Variants in RBFOX1 observed in about 807,000 individuals in gnomAD.
RBFOX1 encodes RNA binding protein fox-1 homolog 1.
In RBFOX1, 8 loss-of-function variants were observed where a neutral mutation model predicts 57.7. The observed-to-expected ratio is 0.14, with a 90% CI of 0.08 to 0.25. The LOEUF (loss-of-function observed/expected upper bound fraction) is 0.25, where lower values mean the gene tolerates loss of function less well. Among genes scored for constraint, RBFOX1 ranks in the 10% least tolerant of loss-of-function variants. The probability of loss-of-function intolerance (pLI) is 1.00; values close to 1 mark genes in which losing one functional copy is unlikely to be tolerated. For synonymous variants in RBFOX1, 326 were observed against 222.4 expected, an observed-to-expected ratio of 1.47 and a Z score of -4.15; for missense variants, 611 against 548.5, an observed-to-expected ratio of 1.11 and a Z score of -1.14.
intron 3 of RBFOX1, among the ~76,000 whole-genome samples, chr16:6,734,490 A>G (rs114456896): frequency 0.011 from 1,701 of 152,302 alleles, 42 homozygotes; most frequent in African/African-American, 0.039. Context: ...AGATGAGGAC[A>G]TGGGTCCAGG....
At chr16:6,887,507 A>G (rs117587821) in intron 3 of RBFOX1, among the ~76,000 whole-genome samples, 1,834 of 152,266 alleles carry the variant, frequency 0.012, 22 homozygotes, top group Non-Finnish European at 0.02. Context: ...ATCATTAATC[A>G]TGTATATTAG....
intron 5 of RBFOX1, among the ~76,000 whole-genome samples, chr16:7,560,299 T>C (rs78866558): frequency 0.01 from 1,584 of 152,306 alleles, 33 homozygotes; most frequent in African/African-American, 0.036. Flanking sequence ...GATCCTTGCA[T>C]TTTTAGACGT....
intron 1 of RBFOX1, among the ~76,000 whole-genome samples, chr16:6,031,142 T>A (rs1305231496): frequency 6.6e-6 from 1 of 151,796 alleles, no homozygotes; most frequent in Non-Finnish European, 1.5e-5. Context: ...CAAGGAGAGG[T>A]ATTGGGCCAC....
chr16:7,570,282 T>C (rs950402634), intron 5 of RBFOX1, among the ~76,000 whole-genome samples: 1 of 152,166 alleles, frequency 6.6e-6, no homozygotes, highest in Non-Finnish European at 1.5e-5. Context: ...GAGCTATATC[T>C]AATGCTGTGT....
rs78334588 is a variant in RBFOX1, at chr16:6,387,281, A to G, written c.-64+70224A>G. ...GTAGCCTTCATTTTCAATGGAGAAAAAAGAAGTTGAGATGCATTTCTCCCC... is the reference window on the plus strand; with the variant it reads ...GTAGCCTTCATTTTCAATGGAGAAAGAAGAAGTTGAGATGCATTTCTCCCC... On this transcript the variant is annotated intron_variant, in intron 2 of 15. Coordinates refer to ENST00000550418, the MANE Select transcript of RBFOX1 (RefSeq NM_018723.4). Among the ~76,000 whole-genome samples the G allele has an allele frequency of 6.8e-4, 104 of 152,272 alleles. 3 individuals carry two copies. In the East Asian group the frequency reaches 0.018, roughly 26 times the overall value.
intron 3 of RBFOX1, among the ~76,000 whole-genome samples, chr16:6,666,710 A>G (rs11641179): frequency 0.23 from 34,803 of 151,988 alleles, 4,078 homozygotes; most frequent in East Asian, 0.29. Context: ...TGTGCTCCTC[A>G]TGCTCAGGGC....
intron 4 of RBFOX1, among the ~76,000 whole-genome samples, chr16:7,264,120 C>G (rs192100262): frequency 6.6e-6 from 1 of 152,224 alleles, no homozygotes; most frequent in Admixed American, 6.5e-5. Context: ...TGACTACCCT[C>G]TTTGTAGCAA....
At chr16:6,673,744 G>T (rs1040896433) in intron 3 of RBFOX1, among the ~76,000 whole-genome samples, 1 of 152,230 alleles carries the variant, frequency 6.6e-6, no homozygotes, top group Non-Finnish European at 1.5e-5. Context: ...GGCAAGGACA[G>T]AAATGTATCA....
rs143817120 is a variant in RBFOX1, at chr16:7,110,914, T to C, written c.27+58816T>C. ...GATATAGAATTAAGATTTTTAACTTTGGGTAGTAAAAGGACACCAGGGCAT... is the reference window on the plus strand; with the variant it reads ...GATATAGAATTAAGATTTTTAACTTCGGGTAGTAAAAGGACACCAGGGCAT... On this transcript the variant is annotated intron_variant, in intron 4 of 15. Transcript: ENST00000550418. Among the ~76,000 whole-genome samples the C allele has an allele frequency of 2.8e-3, 428 of 152,300 alleles. 4 individuals are homozygous for C. Among genetic ancestry groups the C allele is most frequent in the African/African-American group, 9.5e-3 (395 of 41,566 alleles).
chr16:6,602,202 T>C (rs1327844118), intron 2 of RBFOX1, among the ~76,000 whole-genome samples: 2 of 152,216 alleles, frequency 1.3e-5, no homozygotes, highest in African/African-American at 4.8e-5. Flanking sequence ...AGGAGTTCTT[T>C]ATACATTCTC....
intron 2 of RBFOX1, among the ~76,000 whole-genome samples, chr16:6,593,882 A>T (rs1328171316): frequency 6.6e-6 from 1 of 152,178 alleles, no homozygotes; most frequent in African/African-American, 2.4e-5. Flanking sequence ...AAGATGTTTA[A>T]AGTGCTTGTC....
chr16:5,466,480 G>T (rs921849348), intron 1 of RBFOX1, among the ~76,000 whole-genome samples: 13 of 152,198 alleles, frequency 8.5e-5, no homozygotes, highest in African/African-American at 3.1e-4. Flanking sequence ...CTGGGGCCCT[G>T]AAATCAGAGA....
chr16:7,023,127 C>T (rs574287445), intron 3 of RBFOX1, among the ~76,000 whole-genome samples: 2 of 152,098 alleles, frequency 1.3e-5, no homozygotes, highest in South Asian at 2.1e-4. Context: ...TGAGTAAATT[C>T]AAAGAAAATA....
In RBFOX1 at chr16:7,549,065, T is replaced by C. The variant is rs2085506503; in HGVS notation, c.270+30676T>C. ...AAGAGGGTGGACAGGAAGGACTTTC[T>C]GAAGAGGCGACATTTAAGCCGATGA... On this transcript the variant is annotated intron_variant, in intron 5 of 15. Coordinates refer to ENST00000550418, the MANE Select transcript of RBFOX1 (RefSeq NM_018723.4). Among the ~76,000 whole-genome samples, 6 of 152,322 alleles carry C rather than the reference T, an allele frequency of 3.9e-5. No homozygotes were observed. In the South Asian group the frequency reaches 1.2e-3, roughly 32 times the overall value.
chr16:6,117,916 G>A (rs1019868679), intron 1 of RBFOX1, among the ~76,000 whole-genome samples: 2 of 152,270 alleles, frequency 1.3e-5, no homozygotes, highest in South Asian at 4.1e-4. Flanking sequence ...TAAACACAGT[G>A]AAAGCAGTAA....
intron 4 of RBFOX1, among the ~76,000 whole-genome samples, chr16:7,333,328 A>G (rs1376450249): frequency 1.3e-5 from 2 of 152,184 alleles, no homozygotes; most frequent in Non-Finnish European, 2.9e-5. Flanking sequence ...ACTGCTATTT[A>G]ACATTCATGT....
rs145521514 is a variant in RBFOX1, at chr16:6,712,470, G to A, written c.-16+57820G>A. On this transcript the variant is annotated intron_variant, in intron 3 of 15. Transcript: ENST00000550418. ...ATCCTAACCTTTCCTCTCATCTCCC[G>A]AGGACTATTTTCTCCCAGTTTTTTC... 2.7e-3 allele frequency among the ~76,000 whole-genome samples: 416 copies of A among 152,086 alleles called. 4 individuals carry two copies. Among genetic ancestry groups the A allele is most frequent in the African/African-American group, 9.4e-3 (388 of 41,490 alleles).
In RBFOX1 at chr16:6,180,135, G is replaced by A. The variant is rs528043701; in HGVS notation, c.-126-136860G>A. ...ATTTTTTGTCTGGTTTTGATATGAG[G>A]ATAACAGTAGTCTCAGATTTCTTCC... On this transcript the variant is annotated intron_variant, in intron 1 of 15. Coordinates refer to ENST00000550418, the MANE Select transcript of RBFOX1 (RefSeq NM_018723.4). Among the ~76,000 whole-genome samples, 4 of 152,182 alleles carry A rather than the reference G, an allele frequency of 2.6e-5. No individual in the cohort carries two copies. In the South Asian group the frequency reaches 6.2e-4, roughly 24 times the overall value.
intron 4 of RBFOX1, among the ~76,000 whole-genome samples, chr16:7,303,548 G>C (rs1000257738): frequency 2.6e-5 from 4 of 151,866 alleles, no homozygotes; most frequent in Admixed American, 6.6e-5. Context: ...TTTAAATTTT[G>C]GTGAGTGTTT....
Sources: allele counts gnomAD v4.1 joint callset (sites outside exome capture counted in the v4.1 genomes callset), GRCh38; gene constraint gnomAD v4.1.1; transcripts MANE v1.5; gene names NCBI Gene and HGNC (gene_info 2026-07-23, HGNC 2026-07-21).